The following PRKN variants were observed in gnomAD, a reference collection of about 807,000 sequenced individuals.
PRKN encodes the protein E3 ubiquitin-protein ligase parkin.
Under a neutral mutation model 59.5 loss-of-function variants are expected in PRKN, and 56 were observed. The observed-to-expected ratio is 0.94, with a 90% CI of 0.76 to 1.18. The LOEUF (loss-of-function observed/expected upper bound fraction) is 1.18, where lower values mean the gene tolerates loss of function less well. PRKN is among the 50% of genes most tolerant of loss of function. PRKN has a pLI of 0.00. For missense variants in PRKN, 657 were observed against 596.4 expected, an observed-to-expected ratio of 1.10 and a Z score of -1.06; for synonymous variants, 250 against 222.1, an observed-to-expected ratio of 1.13 and a Z score of -1.12.
chr6:162,671,497 C>CAAAAAAA (rs5881490), intron 1 of PRKN, among the ~76,000 whole-genome samples: 4 of 111,666 alleles, frequency 3.6e-5, no homozygotes, highest in East Asian at 2.7e-4. Context: ...GACTCTGTCT[C>CAAAAAAA]AAAAAAAAAA....
At position 161,458,964 on chromosome 6, in the gene PRKN, C is replaced by G. The variant is rs1456320108; in HGVS notation, c.1084-72087G>C. Among the ~76,000 whole-genome samples the G allele has an allele frequency of 3.3e-5, 5 of 151,772 alleles. No homozygotes were observed. The highest frequency in any genetic ancestry group is 5.9e-5 in the Non-Finnish European group (4 of 67,964). Reference sequence around the variant, plus strand: ...TATCTTTATTTGGACAGCCTCAAATCCCTTCATCTTATCTGGAGGGAAGAC... The same window carrying G: ...TATCTTTATTTGGACAGCCTCAAATGCCTTCATCTTATCTGGAGGGAAGAC... On this transcript the variant is annotated intron_variant, in intron 9 of 11. Transcript: ENST00000366898. This position sits in a 1 kb window ranked among gnomAD's most constrained non-coding sequence, Gnocchi z 6.1.
intron 2 of PRKN, among the ~76,000 whole-genome samples, chr6:162,279,359 AAGAG>A (rs904416679): frequency 2.0e-5 from 3 of 150,960 alleles, no homozygotes; most frequent in Admixed American, 6.6e-5. Context: ...GAAAGAAAGA[AAGAG>A]AGAGAGAGAG....
At chr6:162,091,069 AC>A (rs1779475301) in intron 4 of PRKN, among the ~76,000 whole-genome samples, 1 of 151,560 alleles carries the variant, frequency 6.6e-6, no homozygotes, top group African/African-American at 2.4e-5. Flanking sequence ...TAGTAGAAAT[AC>A]CATCCCATTT....
chr6:161,939,143 C>G (rs1261229948), intron 6 of PRKN, among the ~76,000 whole-genome samples: 2 of 152,092 alleles, frequency 1.3e-5, no homozygotes, highest in Non-Finnish European at 2.9e-5. Context: ...TGAGGCCAGG[C>G]ACAGTGGCTA....
At position 162,223,056 on chromosome 6, in the gene PRKN, C is replaced by T. The variant is rs1218201987; in HGVS notation, c.413-21804G>A. 7.1e-5 allele frequency among the ~76,000 whole-genome samples: 10 copies of T among 141,738 alleles called. 1 individual carries two copies. Among genetic ancestry groups the T allele is most frequent in the Admixed American group, 6.5e-4 (9 of 13,862 alleles). The allele number at this position is 141,738 out of a possible 152,430, so 93.0% of individuals were successfully genotyped here. On this transcript the variant is annotated intron_variant, in intron 3 of 11. Transcript: ENST00000366898. ...CCAGAGTGTGATGTTCCCCTTCCTG[C>T]GTCCATGTGATCTCATTGTTCAATT...
At chr6:162,117,852 T>C (rs1780740015) in intron 4 of PRKN, among the ~76,000 whole-genome samples, 1 of 152,134 alleles carries the variant, frequency 6.6e-6, no homozygotes. Context: ...ATCCCAGCAC[T>C]TTGGGAGGCT....
intron 7 of PRKN, among the ~76,000 whole-genome samples, chr6:161,653,159 G>A (rs1428914523): frequency 6.6e-6 from 1 of 152,006 alleles, no homozygotes; most frequent in Non-Finnish European, 1.5e-5. Context: ...GTCAAAGATC[G>A]AGACCATCCT....
intron 2 of PRKN, among the ~76,000 whole-genome samples, chr6:162,355,388 A>AATCTATCTATCTATCTATCT (rs534864850): frequency 0.018 from 2,688 of 151,454 alleles, 79 homozygotes; most frequent in African/African-American, 0.063. Context: ...CACCATCTGT[A>AATCTATCTATCTATCTATCT]ATCTATCTAT....
rs1051126172 is a variant in PRKN at position 161,352,316 on chromosome 6, C to T, written c.1286-2105G>A. 1.3e-5 allele frequency among the ~76,000 whole-genome samples: 2 copies of T among 152,116 alleles called. No individual in the cohort carries two copies. The highest frequency in any genetic ancestry group is 2.9e-5 in the Non-Finnish European group (2 of 68,016). ...TGTTTTAAGATAACTTGCCGACATG[C>T]AAAATCTCCTGTTTTCCTAATCCTT... On this transcript the variant is annotated intron_variant, in intron 11 of 11. Transcript: ENST00000366898. This position sits in a 1 kb window ranked among gnomAD's most constrained non-coding sequence, Gnocchi z 5.8.
intron 6 of PRKN, among the ~76,000 whole-genome samples, chr6:161,933,106 C>G (rs780688664): frequency 6.6e-6 from 1 of 152,004 alleles, no homozygotes; most frequent in Non-Finnish European, 1.5e-5. Flanking sequence ...ATGGTGAAAG[C>G]CCATCTCTAC....
chr6:161,997,014 T>C (rs569373686), intron 5 of PRKN, among the ~76,000 whole-genome samples: 1 of 152,174 alleles, frequency 6.6e-6, no homozygotes, highest in East Asian at 1.9e-4. Flanking sequence ...CTAGTCTACC[T>C]CTATACACAT....
At chr6:161,661,235 C>T (rs994564236) in intron 7 of PRKN, among the ~76,000 whole-genome samples, 4 of 152,176 alleles carry the variant, frequency 2.6e-5, no homozygotes, top group Admixed American at 2.0e-4. Context: ...GAGACCCTCA[C>T]GGAGTCTGAC....
At chr6:162,030,762 C>CAG (rs1206161645) in intron 5 of PRKN, among the ~76,000 whole-genome samples, 5 of 152,136 alleles carry the variant, frequency 3.3e-5, no homozygotes, top group Non-Finnish European at 7.3e-5. Context: ...AAGAGGACCG[C>CAG]AGAGAGAGAG....
At chr6:161,489,702 C>T (rs1777477944) in intron 9 of PRKN, among the ~76,000 whole-genome samples, 1 of 151,874 alleles carries the variant, frequency 6.6e-6, no homozygotes, top group Non-Finnish European at 1.5e-5. Flanking sequence ...TGCAGGAATT[C>T]CTAGATTGTC....
At chr6:161,565,785 A>T (rs923737411) in intron 8 of PRKN, among the ~76,000 whole-genome samples, 2 of 152,018 alleles carry the variant, frequency 1.3e-5, no homozygotes, top group African/African-American at 4.8e-5. Context: ...CCCGATCTGT[A>T]CTCTCAGCTG....
chr6:162,574,655 A>G (rs1414013732), intron 1 of PRKN, among the ~76,000 whole-genome samples: 2 of 145,980 alleles, frequency 1.4e-5, no homozygotes, highest in Admixed American at 6.9e-5. Flanking sequence ...GCATATGTAC[A>G]TTTTGAAGAG....
At chr6:162,020,841 A>G (rs368655560) in intron 5 of PRKN, among the ~76,000 whole-genome samples, 1 of 152,174 alleles carries the variant, frequency 6.6e-6, no homozygotes. Context: ...GCGGTGGCTC[A>G]TGCCTGTAAT....
intron 4 of PRKN, among the ~76,000 whole-genome samples, chr6:162,154,648 A>G (rs1562545696): frequency 6.6e-6 from 1 of 152,202 alleles, no homozygotes; most frequent in Non-Finnish European, 1.5e-5. Context: ...ACTAGTCACT[A>G]CCATTAAATT....
chr6:162,161,311 C>G (rs1442676300), intron 4 of PRKN, among the ~76,000 whole-genome samples: 1 of 151,972 alleles, frequency 6.6e-6, no homozygotes, highest in Admixed American at 6.5e-5. Context: ...CCCAGTACCC[C>G]CTAGGAAGGC....
Sources: gnomAD v4.1 joint callset for allele counts (sites outside exome capture counted in the v4.1 genomes callset) on GRCh38, gnomAD v4.1.1 for gene constraint, Gnocchi (gnomAD v3.1) non-coding constraint, MANE v1.5 for transcripts, NCBI Gene and HGNC (gene_info 2026-07-23, HGNC 2026-07-21) for gene names.